Variants in LONRF3 observed in about 807,000 individuals in gnomAD.
LONRF3 encodes LON peptidase N-terminal domain and RING finger protein 3.
LONRF3 carries 19 observed loss-of-function variants against 51.7 expected under a neutral mutation model. That is an observed-to-expected ratio of 0.37 (90% CI 0.26 to 0.54). The LOEUF (loss-of-function observed/expected upper bound fraction) is 0.54, where lower values mean the gene tolerates loss of function less well. LONRF3 is among the 20% of genes least tolerant of loss of function. The pLI, the probability that LONRF3 is intolerant of heterozygous loss-of-function variation, is 0.86. For missense variants in LONRF3, 521 were observed against 623.9 expected (o/e 0.84, Z 1.76); for synonymous variants, 265 against 257.8 (o/e 1.03, Z -0.27).
intron 9 of LONRF3, among the ~76,000 whole-genome samples, chrX:119,013,651 T>A (rs905808281): frequency 1.8e-5 from 2 of 112,039 alleles, no homozygotes; most frequent in African/African-American, 6.5e-5. Context: ...TAATCCATCA[T>A]CCCCTAAGGC....
intron 2 of LONRF3, among the ~76,000 whole-genome samples, chrX:118,980,379 T>G (rs1358523290): frequency 8.9e-6 from 1 of 112,015 alleles, no homozygotes; most frequent in Non-Finnish European, 1.9e-5. Flanking sequence ...TTTAAACACT[T>G]TATATCAGTT....
chrX:119,000,402 G>A (rs1924187662), intron 5 of LONRF3, among the ~76,000 whole-genome samples: 1 of 112,073 alleles, frequency 8.9e-6, no homozygotes, highest in African/African-American at 3.2e-5. Flanking sequence ...ATAATCGGAG[G>A]TGTGTAAGTG....
rs940743072 is a variant in LONRF3 at position 119,008,098 on chromosome X, G to A, written c.1531-1028G>A. Among the ~76,000 whole-genome samples, 3 of 111,841 alleles carry A rather than the reference G, an allele frequency of 2.7e-5. No individual in the cohort carries two copies. In the Admixed American group the frequency reaches 2.8e-4, roughly 11 times the overall value. Reference sequence around the variant, plus strand: ...CCAGGCAATGGCAGTGACAGTGGCAGATAAGGCATCCTGGAGACAGATGCT... The same window carrying A: ...CCAGGCAATGGCAGTGACAGTGGCAAATAAGGCATCCTGGAGACAGATGCT... On this transcript the variant is annotated intron_variant, in intron 6 of 10. Transcript: ENST00000371628.
At chrX:119,006,994 G>T (rs1924782087) in intron 6 of LONRF3, among the ~76,000 whole-genome samples, 1 of 112,154 alleles carries the variant, frequency 8.9e-6, no homozygotes, top group Non-Finnish European at 1.9e-5. Context: ...AAAGTGCTGG[G>T]ATTACAGGCA....
rs1366045599 is a variant in LONRF3 at position 118,990,548 on chromosome X, C to T, written c.1403C>T (p.Ala468Val). ...TTCGACGCATCTGACCTTGAATGCG[C>T]TCTATGTATGAGGTACGTCCTGTGT... ...ASFDASDLEC[A>V]LCMRLFYEPV... Residue 468 changes from alanine (A) to valine (V), a missense_variant, in exon 5 of 11, where the codon GCT becomes GTT. By Grantham distance (64) the Ala-to-Val change is moderately conservative. Coordinates refer to ENST00000371628, the MANE Select transcript of LONRF3 (RefSeq NM_001031855.3). The T allele has an allele frequency of 3.3e-6, 4 of 1,200,442 alleles. No individual in the cohort carries two copies. The highest frequency in any genetic ancestry group is 1.8e-5 in the South Asian group (1 of 56,699).
At chrX:118,979,439 G>A (rs771074382) in intron 2 of LONRF3, among the ~76,000 whole-genome samples, 15 of 110,887 alleles carry the variant, frequency 1.4e-4, no homozygotes, top group Admixed American at 3.8e-4. Context: ...GATCACAGGC[G>A]TGTGCCACCA....
chrX:119,008,457 A>C (rs1333772065), intron 6 of LONRF3, among the ~76,000 whole-genome samples: 1 of 111,954 alleles, frequency 8.9e-6, no homozygotes, highest in African/African-American at 3.2e-5. Flanking sequence ...GAGGAGAGTA[A>C]CAGTGACAAT....
chrX:118,982,032 G>A (rs927762819), intron 2 of LONRF3, among the ~76,000 whole-genome samples: 5 of 111,910 alleles, frequency 4.5e-5, no homozygotes, highest in Admixed American at 3.8e-4. Context: ...CCTCTCCCCC[G>A]CTACTCTTTT....
intron 5 of LONRF3, among the ~76,000 whole-genome samples, chrX:118,995,297 A>G (rs1923790487): frequency 8.9e-6 from 1 of 112,203 alleles, no homozygotes; most frequent in Non-Finnish European, 1.9e-5. Flanking sequence ...ACTGAATGAC[A>G]ATAATGACAC....
intron 3 of LONRF3, among the ~76,000 whole-genome samples, chrX:118,985,540 GTGGA>G (rs1473485002): frequency 1.8e-5 from 2 of 112,219 alleles, no homozygotes; most frequent in Non-Finnish European, 3.8e-5. Context: ...GGGCCCTGGG[GTGGA>G]TAAGTGTCTT....
At chrX:118,999,118 C>T (rs1031901088) in intron 5 of LONRF3, among the ~76,000 whole-genome samples, 3 of 112,117 alleles carry the variant, frequency 2.7e-5, no homozygotes, top group African/African-American at 9.7e-5. Context: ...AGTAACACAG[C>T]CGTTACCTGA....
intron 2 of LONRF3, among the ~76,000 whole-genome samples, chrX:118,980,570 A>T (rs866806103): frequency 9.3e-6 from 1 of 107,070 alleles, no homozygotes; most frequent in African/African-American, 3.4e-5. Context: ...TGATGGATTC[A>T]TTTTTTTTTC....
intron 2 of LONRF3, among the ~76,000 whole-genome samples, chrX:118,979,791 C>T (rs752565360): frequency 1.8e-5 from 2 of 111,256 alleles, no homozygotes; most frequent in South Asian, 7.7e-4. Flanking sequence ...AGTCAGCCTG[C>T]CAGTATCCCC....
At chrX:118,993,937 T>G (rs914916567) in intron 5 of LONRF3, among the ~76,000 whole-genome samples, 1 of 112,024 alleles carries the variant, frequency 8.9e-6, no homozygotes, top group African/African-American at 3.2e-5. Flanking sequence ...GCATCACTTA[T>G]GAAGGAAAGA....
At chrX:118,975,712 GACCCATGGACTGT>G in intron 1 of LONRF3, 115 bp downstream of exon 1, 4 of 232,980 alleles carry the variant, frequency 1.7e-5, no homozygotes, top group African/African-American at 3.3e-5. Flanking sequence ...GGGGGCGGGG[GACCCATGGACTGT>G]GGCGGGGTGG....
Position 119,013,207 on chromosome X carries a change from G to T in LONRF3, c.1974+6G>T, listed in dbSNP as rs376956529. ...AATACATTGAAGACCAAAAGGTAAGGGTGGCCAGTGCCAAGAATCCCAAAG... is the reference window on the plus strand; with the variant it reads ...AATACATTGAAGACCAAAAGGTAAGTGTGGCCAGTGCCAAGAATCCCAAAG... On this transcript the variant is annotated splice_donor_region_variant and intron_variant, in intron 9 of 10. Transcript: ENST00000371628. 5 of 1,201,310 alleles carry T rather than the reference G, an allele frequency of 4.2e-6. No individual in the cohort carries two copies. In the Admixed American group the frequency reaches 6.7e-5, roughly 16 times the overall value.
intron 7 of LONRF3, 78 bp from the exon 8 acceptor site, chrX:119,011,737 C>A: frequency 9.5e-7 from 1 of 1,053,467 alleles, no homozygotes; most frequent in Non-Finnish European, 1.3e-6. Flanking sequence ...CCAGGGGTAT[C>A]ACATGCTAAC....
At chrX:118,980,126 C>T (rs775509484) in intron 2 of LONRF3, among the ~76,000 whole-genome samples, 1 of 112,391 alleles carries the variant, frequency 8.9e-6, no homozygotes, top group South Asian at 3.7e-4. Context: ...ATAAAGCTTC[C>T]TGGATGTAGT....
rs1235929730 is a variant in LONRF3, at chrX:118,989,515, C to A, written c.1167C>A (p.His389Gln). The A allele has an allele frequency of 8.3e-7, 1 of 1,211,443 alleles. No homozygotes were observed. Among genetic ancestry groups the A allele is most frequent in the Non-Finnish European group, 1.1e-6 (1 of 895,453 alleles). ...PAKVKGDGQQ[H>Q]HMKDQEEEEE... ...AAGTGAAGGGGGATGGTCAGCAGCA[C>A]CACATGAAAGACCAGGAAGAAGAGG... Residue 389 changes from histidine to glutamine, a missense_variant, in exon 4 of 11, where the codon CAC (histidine) becomes CAA (glutamine). By Grantham distance (24) the His-to-Gln change is conservative (BLOSUM62 0). Transcript: ENST00000371628.
Sources: allele counts gnomAD v4.1 joint callset (sites outside exome capture counted in the v4.1 genomes callset), GRCh38; gene constraint gnomAD v4.1.1; transcripts MANE v1.5; gene names NCBI Gene and HGNC (gene_info 2026-07-23, HGNC 2026-07-21).